CDH13: variants seen among roughly 807,000 people sequenced by gnomAD.
CDH13 encodes the protein cadherin 13.
A neutral mutation model predicts 63.8 loss-of-function variants in CDH13; 24 were observed. The ratio of observed to expected loss-of-function variants is 0.38; its 90% confidence interval spans 0.27 to 0.53. The LOEUF is 0.53. Among genes scored for constraint, CDH13 ranks in the 20% least tolerant of loss-of-function variants. CDH13 has a pLI of 0.85. For synonymous variants in CDH13, 503 were observed against 355.3 expected, an observed-to-expected ratio of 1.42 and a Z score of -4.67; for missense variants, 1,049 against 903.1, an observed-to-expected ratio of 1.16 and a Z score of -2.07.
intron 10 of CDH13, among the ~76,000 whole-genome samples, chr16:83,746,130 G>A (rs1219515450): frequency 6.6e-6 from 1 of 152,170 alleles, no homozygotes; most frequent in African/African-American, 2.4e-5. Flanking sequence ...TTGCAAACAT[G>A]GAGGCTAGAA....
At chr16:83,337,307 T>A (rs566548283) in intron 5 of CDH13, among the ~76,000 whole-genome samples, 1 of 152,286 alleles carries the variant, frequency 6.6e-6, no homozygotes, top group East Asian at 1.9e-4. Context: ...AACAGGGCCC[T>A]AAACTCAAGG....
intron 5 of CDH13, among the ~76,000 whole-genome samples, chr16:83,249,608 C>T (rs745528561): frequency 6.6e-6 from 1 of 152,210 alleles, no homozygotes; most frequent in Non-Finnish European, 1.5e-5. Context: ...GAGGTAAGAT[C>T]TGACACCGTG....
intron 11 of CDH13, among the ~76,000 whole-genome samples, chr16:83,751,506 A>C (rs543873149): frequency 1.3e-5 from 2 of 152,310 alleles, no homozygotes; most frequent in African/African-American, 4.8e-5. Context: ...GGACGCGGTG[A>C]TGGCAAGATG....
intron 6 of CDH13, among the ~76,000 whole-genome samples, chr16:83,464,049 C>G (rs2073246612): frequency 6.6e-6 from 1 of 152,106 alleles, no homozygotes. Flanking sequence ...CTCCTTTATG[C>G]TATGTTCTAG....
chr16:83,505,326 C>G (rs2074370842), intron 7 of CDH13, among the ~76,000 whole-genome samples: 8 of 152,112 alleles, frequency 5.3e-5, no homozygotes, highest in Admixed American at 5.2e-4. Flanking sequence ...GTACGCTGGA[C>G]AACACTAGGA....
intron 3 of CDH13, among the ~76,000 whole-genome samples, chr16:83,068,046 T>C (rs1450762051): frequency 1.3e-5 from 2 of 152,140 alleles, no homozygotes; most frequent in Admixed American, 1.3e-4. Context: ...ATTAGATCCA[T>C]ATGACTGCCA....
chr16:82,950,440 A>G (rs1905174770), intron 2 of CDH13, among the ~76,000 whole-genome samples: 1 of 152,080 alleles, frequency 6.6e-6, no homozygotes, highest in African/African-American at 2.4e-5. Flanking sequence ...GTGGGAGATA[A>G]TTGAATCATG....
chr16:83,643,283 T>TAAAAAAAAAA (rs1195185794), intron 8 of CDH13, among the ~76,000 whole-genome samples: 1 of 93,832 alleles, frequency 1.1e-5, no homozygotes, highest in South Asian at 4.4e-4. Context: ...TAGAGTATAA[T>TAAAAAAAAAA]AAAAAAAAAA....
chr16:83,741,502 G>A (rs371149799), intron 10 of CDH13, among the ~76,000 whole-genome samples: 54 of 91,928 alleles, frequency 5.9e-4, no homozygotes, highest in Admixed American at 2.1e-3. Flanking sequence ...ATATATATAT[G>A]TGTGTGTGTG....
intron 1 of CDH13, among the ~76,000 whole-genome samples, chr16:82,807,927 A>G (rs376542454): frequency 4.6e-5 from 7 of 152,298 alleles, no homozygotes; most frequent in African/African-American, 1.7e-4. Context: ...TTTCCTTAAA[A>G]CGATCAAAGG....
intron 6 of CDH13, among the ~76,000 whole-genome samples, chr16:83,345,320 C>G (rs774304767): frequency 6.6e-6 from 1 of 152,176 alleles, no homozygotes; most frequent in Admixed American, 6.5e-5. Flanking sequence ...AAGTCCAAGG[C>G]TAAACTTTGT....
chr16:83,779,883 A>G lies in CDH13; in HGVS notation c.1682-85A>G, dbSNP rs142450437. 8.8e-4 allele frequency: 765 copies of G among 864,502 alleles called. 4 individuals are homozygous for G. In the African/African-American group the frequency reaches 0.011, roughly 13 times the overall value. The allele number at this position is 864,502 out of a possible 1,614,324, so 53.6% of individuals were successfully genotyped here. On this transcript the variant is annotated intron_variant, in intron 11 of 13. Transcript: ENST00000567109. ...AAAAAATAAAATAACTGCAAAATAT[A>G]CTAAGTTTACAATGCAAAAAGTGCT...
intron 3 of CDH13, among the ~76,000 whole-genome samples, chr16:83,103,093 C>A (rs1232637559): frequency 3.3e-5 from 5 of 151,204 alleles, no homozygotes; most frequent in Non-Finnish European, 7.4e-5. Flanking sequence ...GCTGGGATTA[C>A]AGGAGTGTGC....
chr16:83,770,418 C>G (rs918551393), intron 11 of CDH13, among the ~76,000 whole-genome samples: 34 of 152,164 alleles, frequency 2.2e-4, no homozygotes, highest in African/African-American at 8.0e-4. Context: ...GGGGCCACAG[C>G]TCTTAAACAG....
chr16:82,742,340 T>A (rs977402936), intron 1 of CDH13, among the ~76,000 whole-genome samples: 81 of 152,144 alleles, frequency 5.3e-4, no homozygotes, highest in Admixed American at 2.0e-4. Flanking sequence ...TTCTCTAGTT[T>A]CCAAATTTTC....
At chr16:83,264,641 A>G (rs1348250878) in intron 5 of CDH13, among the ~76,000 whole-genome samples, 1 of 151,922 alleles carries the variant, frequency 6.6e-6, no homozygotes, top group African/African-American at 2.4e-5. Flanking sequence ...TGATTGAAGA[A>G]ATATATGTAA....
chr16:83,637,544 C>A (rs1211498731), intron 8 of CDH13, among the ~76,000 whole-genome samples: 1 of 45,812 alleles, frequency 2.2e-5, no homozygotes, highest in Non-Finnish European at 4.3e-5. Context: ...CGGGTCACTC[C>A]CACCCGAATA....
At chr16:82,653,475 C>A (rs1250464320) in intron 1 of CDH13, among the ~76,000 whole-genome samples, 3 of 152,130 alleles carry the variant, frequency 2.0e-5, no homozygotes, top group Admixed American at 1.3e-4. Flanking sequence ...CCTGAAGGAG[C>A]AACAGAAATT....
chr16:83,101,298 A>G (rs2034466802), intron 3 of CDH13, among the ~76,000 whole-genome samples: 1 of 150,512 alleles, frequency 6.6e-6, no homozygotes, highest in East Asian at 1.9e-4. Context: ...CTTTATGTGT[A>G]TTATATATAG....
Sources: gnomAD v4.1 joint callset for allele counts (sites outside exome capture counted in the v4.1 genomes callset) on GRCh38, gnomAD v4.1.1 for gene constraint, MANE v1.5 for transcripts, NCBI Gene and HGNC (gene_info 2026-07-23, HGNC 2026-07-21) for gene names.